FAAH2: variants seen among roughly 807,000 people sequenced by gnomAD.
FAAH2 encodes fatty acid amide hydrolase 2.
In FAAH2, 60 loss-of-function variants were observed where a neutral mutation model predicts 36.9. The observed-to-expected ratio is 1.63, with a 90% CI of 1.32 to 2.02. The LOEUF (loss-of-function observed/expected upper bound fraction) is 2.02, where lower values mean the gene tolerates loss of function less well. Among genes scored for constraint, FAAH2 ranks in the 30% most tolerant of loss-of-function variants. The pLI is 0.00. For synonymous variants in FAAH2, 214 were observed against 143.8 expected, an observed-to-expected ratio of 1.49 and a Z score of -3.49; for missense variants, 689 against 397.5, an observed-to-expected ratio of 1.73 and a Z score of -6.23.
chrX:57,228,451 G>GGTCT, the FAAH2 span, among the ~76,000 whole-genome samples: 2 of 111,126 alleles, frequency 1.8e-5, no homozygotes, highest in Middle Eastern at 4.7e-3. Flanking sequence ...GGGAGAGGAG[G>GGTCT]GTCTCCCTTT....
chrX:57,182,867 A>G, the FAAH2 span, among the ~76,000 whole-genome samples: 1 of 111,711 alleles, frequency 9.0e-6, no homozygotes, highest in African/African-American at 3.3e-5. Flanking sequence ...AGCCTTAAAG[A>G]AGACTGAGAT....
intron 10 of FAAH2, among the ~76,000 whole-genome samples, chrX:57,462,979 G>T (rs1267409521): frequency 8.9e-6 from 1 of 112,092 alleles, no homozygotes; most frequent in Non-Finnish European, 1.9e-5. Context: ...CAAAATCAGT[G>T]TGCAAAAATC....
chrX:57,265,545 G>A, the FAAH2 span, among the ~76,000 whole-genome samples: 1 of 111,589 alleles, frequency 9.0e-6, no homozygotes, highest in Non-Finnish European at 1.9e-5. Context: ...AGATCCCCCA[G>A]CACAGCACAG....
chrX:57,253,194 A>G, the FAAH2 span, among the ~76,000 whole-genome samples: 1 of 110,954 alleles, frequency 9.0e-6, no homozygotes, highest in Non-Finnish European at 1.9e-5. Context: ...AATGAAATAA[A>G]GCCAGAAGAC....
At chrX:57,161,178 G>A in the FAAH2 span, among the ~76,000 whole-genome samples, 21 of 112,132 alleles carry the variant, frequency 1.9e-4, no homozygotes, top group Admixed American at 6.6e-4. Context: ...TTTTGAGAGA[G>A]TTTCTTAATC....
chrX:57,231,980 A>T, the FAAH2 span, among the ~76,000 whole-genome samples: 2 of 111,520 alleles, frequency 1.8e-5, no homozygotes, highest in African/African-American at 6.5e-5. Context: ...TCATTCTATC[A>T]ATAAATTTCC....
the FAAH2 span, chrX:57,135,757 A>G: frequency 2.6e-6 from 3 of 1,166,406 alleles, no homozygotes; most frequent in Middle Eastern, 2.4e-4. Context: ...GAAAGGCAAC[A>G]TTTTTTGCAT....
chrX:57,328,649 T>C (rs2053299241), intron 3 of FAAH2, among the ~76,000 whole-genome samples: 1 of 112,238 alleles, frequency 8.9e-6, no homozygotes, highest in Admixed American at 9.5e-5. Context: ...TTTTGAATTG[T>C]CAGAGTTCTT....
chrX:57,394,128 G>C (rs760651578), intron 7 of FAAH2: 2 of 710,568 alleles, frequency 2.8e-6, no homozygotes, highest in East Asian at 3.2e-5. Flanking sequence ...GTGAGGTGAA[G>C]ATTAAACTCT....
At chrX:57,443,953 T>G (rs1207862329) in intron 8 of FAAH2, among the ~76,000 whole-genome samples, 1 of 112,045 alleles carries the variant, frequency 8.9e-6, no homozygotes, top group Non-Finnish European at 1.9e-5. Flanking sequence ...CTGATGTTGC[T>G]GCCTGATCCT....
chrX:57,231,667 G>C, the FAAH2 span, among the ~76,000 whole-genome samples: 338 of 111,742 alleles, frequency 3.0e-3, 1 homozygote, highest in African/African-American at 0.01. Flanking sequence ...GAGATATAGA[G>C]TTAATAATTT....
intron 7 of FAAH2, among the ~76,000 whole-genome samples, chrX:57,384,669 GA>G (rs1391727150): frequency 9.0e-6 from 1 of 110,726 alleles, no homozygotes; most frequent in Non-Finnish European, 1.9e-5. Flanking sequence ...AAAAAGTCAG[GA>G]AACAACAGGT....
intron 2 of FAAH2, among the ~76,000 whole-genome samples, chrX:57,303,392 TG>T (rs1333790145): frequency 8.9e-6 from 1 of 112,009 alleles, no homozygotes; most frequent in Non-Finnish European, 1.9e-5. Context: ...GACATGGCTT[TG>T]GCTTAATCTT....
chrX:57,394,769 C>A, intron 7 of FAAH2: 1 of 926,145 alleles, frequency 1.1e-6, no homozygotes, highest in Admixed American at 2.2e-5. Flanking sequence ...TTCAGGCCGA[C>A]CAGTTGCAAC....
intron 3 of FAAH2, among the ~76,000 whole-genome samples, chrX:57,327,477 C>T (rs1400399959): frequency 9.1e-6 from 1 of 109,407 alleles, no homozygotes. Flanking sequence ...TCAGGTACAC[C>T]AATCAGACAT....
chrX:57,345,592 G>T (rs1250594859), intron 5 of FAAH2, among the ~76,000 whole-genome samples: 1 of 110,389 alleles, frequency 9.1e-6, no homozygotes, highest in African/African-American at 3.3e-5. Flanking sequence ...TGGTTAAATT[G>T]ATCTTTTGTA....
At chrX:57,304,992 A>G (rs1367517656) in intron 2 of FAAH2, among the ~76,000 whole-genome samples, 1 of 111,285 alleles carries the variant, frequency 9.0e-6, no homozygotes, top group Non-Finnish European at 1.9e-5. Flanking sequence ...GTGCTCTTCT[A>G]TTATTTTATT....
intron 9 of FAAH2, 142 bp from the exon 10 acceptor site, chrX:57,448,382 G>T (rs1485083738): frequency 1.8e-6 from 1 of 568,489 alleles, no homozygotes. Flanking sequence ...TTAAAAGTAA[G>T]ATTATAAAGT....
At chrX:57,246,897 G>A in the FAAH2 span, among the ~76,000 whole-genome samples, 1 of 111,596 alleles carries the variant, frequency 9.0e-6, no homozygotes, top group East Asian at 2.8e-4. Flanking sequence ...GTGACATTGG[G>A]TCAGTTTTGC....
Sources: allele counts gnomAD v4.1 joint callset (sites outside exome capture counted in the v4.1 genomes callset), GRCh38; gene constraint gnomAD v4.1.1; transcripts MANE v1.5; gene names NCBI Gene and HGNC (gene_info 2026-07-23, HGNC 2026-07-21).